The following NTM variants were observed in gnomAD, a reference collection of about 807,000 sequenced individuals.
The protein encoded by NTM is neurotrimin.
A neutral mutation model predicts 42.1 loss-of-function variants in NTM; 13 were observed. The ratio of observed to expected loss-of-function variants is 0.31; its 90% CI spans 0.20 to 0.49. The LOEUF is 0.49. Ranked by LOEUF, NTM falls within the 20% of genes least tolerant of loss-of-function variation. The pLI, the probability that NTM is intolerant of heterozygous loss-of-function variation, is 0.99. For missense variants in NTM, 373 were observed against 452.8 expected, an observed-to-expected ratio of 0.82 and a Z score of 1.60; for synonymous variants, 187 against 179.2, an observed-to-expected ratio of 1.04 and a Z score of -0.35.
intron 1 of NTM, among the ~76,000 whole-genome samples, chr11:131,576,921 AAGTT>A: frequency 6.6e-6 from 1 of 152,234 alleles, no homozygotes; most frequent in Non-Finnish European, 1.5e-5. Context: ...AAGATTAAAT[AAGTT>A]AATCTTTGCA....
At chr11:132,141,723 GACAC>G (rs894668465) in intron 2 of NTM, among the ~76,000 whole-genome samples, 6 of 152,224 alleles carry the variant, frequency 3.9e-5, no homozygotes, top group African/African-American at 4.8e-5. Context: ...GGTGCAGACA[GACAC>G]ACACAGACTA....
At chr11:132,019,263 C>G (rs531346735) in intron 2 of NTM, among the ~76,000 whole-genome samples, 1 of 112,116 alleles carries the variant, frequency 8.9e-6, no homozygotes, top group Non-Finnish European at 2.1e-5. Context: ...TGGTTGAGAT[C>G]TTTTGCCTTT....
intron 2 of NTM, among the ~76,000 whole-genome samples, chr11:131,944,273 G>A (rs1350297726): frequency 1.3e-5 from 2 of 152,216 alleles, no homozygotes; most frequent in African/African-American, 2.4e-5. Flanking sequence ...AGTGAGTTAT[G>A]TGCTGGGCTT....
At chr11:132,090,962 T>C (rs2060305988) in intron 2 of NTM, among the ~76,000 whole-genome samples, 1 of 152,232 alleles carries the variant, frequency 6.6e-6, no homozygotes, top group South Asian at 2.1e-4. Context: ...TGTTTTTCTA[T>C]TCCTCCCATT....
rs765344753 is a variant in NTM, at chr11:132,335,112, C to G, written c.1034C>G (p.Pro345Arg). ...AGGGCAGGCTGCGTCTGGCTGCTGCCTCTTCTGGTCTTGCACCTGCTTCTC... is the reference window on the plus strand; with the variant it reads ...AGGGCAGGCTGCGTCTGGCTGCTGCGTCTTCTGGTCTTGCACCTGCTTCTC... ...SRRAGCVWLLPLLVLHLLLKF is the reference protein window; with the variant it reads ...SRRAGCVWLLRLLVLHLLLKF The change falls in exon 9 of 9, where the codon CCT (proline) becomes CGT (arginine). Residue 345 changes from proline to arginine, a missense_variant. Pro to Arg is a moderately radical substitution (Grantham distance 103, BLOSUM62 -2). This residue lies in a region of NTM where 312 missense variants were observed against 353.5 expected (regional missense o/e 0.88). Transcript: ENST00000683400. The G allele has an allele frequency of 2.5e-6, 4 of 1,612,756 alleles. No homozygotes were observed. In the South Asian group the frequency reaches 3.3e-5, roughly 13 times the overall value.
intron 1 of NTM, among the ~76,000 whole-genome samples, chr11:131,413,988 C>A (rs939581192): frequency 4.6e-5 from 7 of 152,116 alleles, no homozygotes; most frequent in African/African-American, 7.2e-5. Context: ...GGTTCTTAGA[C>A]CCAGCTTGAC....
In NTM at chr11:131,475,731, T is replaced by C. The variant is rs59379361; in HGVS notation, c.82+104843T>C. ...GGAAAAAACTGCCAAAGATAGATTGTTTGTTTAATGGGATTTTATGAGATG... is the reference window on the plus strand; with the variant it reads ...GGAAAAAACTGCCAAAGATAGATTGCTTGTTTAATGGGATTTTATGAGATG... On this transcript the variant is annotated intron_variant, in intron 1 of 8. Transcript: ENST00000683400. 9.5e-3 allele frequency among the ~76,000 whole-genome samples: 1,440 copies of C among 152,286 alleles called. 21 individuals carry two copies. Among genetic ancestry groups the C allele is most frequent in the African/African-American group, 0.033 (1,355 of 41,544 alleles).
At chr11:131,518,785 C>T (rs1052392363) in intron 1 of NTM, among the ~76,000 whole-genome samples, 1 of 152,164 alleles carries the variant, frequency 6.6e-6, no homozygotes, top group Admixed American at 6.5e-5. Flanking sequence ...CACCAGGCTT[C>T]ATTTGTATGG....
At chr11:131,982,390 C>T (rs1039514639) in intron 2 of NTM, among the ~76,000 whole-genome samples, 2 of 151,980 alleles carry the variant, frequency 1.3e-5, no homozygotes, top group Non-Finnish European at 2.9e-5. Flanking sequence ...ATGAAAGGAG[C>T]TGGAGAAGGG....
chr11:131,926,438 G>A (rs1408496696), intron 2 of NTM, among the ~76,000 whole-genome samples: 2 of 152,128 alleles, frequency 1.3e-5, no homozygotes, highest in African/African-American at 2.4e-5. Context: ...TGGTCAAGGT[G>A]GTGAACTGTG....
intron 3 of NTM, among the ~76,000 whole-genome samples, chr11:132,156,543 A>AT (rs1431716474): frequency 1.3e-5 from 2 of 151,962 alleles, no homozygotes; most frequent in East Asian, 1.9e-4. Flanking sequence ...TGATTATGTC[A>AT]TTTTTTCTGA....
At chr11:132,016,442 G>A (rs2073427171) in intron 2 of NTM, among the ~76,000 whole-genome samples, 1 of 150,664 alleles carries the variant, frequency 6.6e-6, no homozygotes, top group African/African-American at 2.4e-5. Flanking sequence ...GCAATATGTT[G>A]TTTTTTGCAT....
chr11:131,744,475 G>A (rs1014288573), intron 1 of NTM, among the ~76,000 whole-genome samples: 1 of 152,136 alleles, frequency 6.6e-6, no homozygotes, highest in African/African-American at 2.4e-5. Context: ...TAGAAGCAAA[G>A]TATCCTGGGG....
intron 3 of NTM, among the ~76,000 whole-genome samples, chr11:132,207,730 C>G (rs2082206728): frequency 6.6e-6 from 1 of 152,110 alleles, no homozygotes; most frequent in Non-Finnish European, 1.5e-5. Context: ...GTCTCCTTTG[C>G]CTAGGATATC....
intron 8 of NTM, among the ~76,000 whole-genome samples, chr11:132,334,167 A>G (rs2095847896): frequency 6.6e-6 from 1 of 152,260 alleles, no homozygotes; most frequent in South Asian, 2.1e-4. Flanking sequence ...TCCACTGGTC[A>G]TGGGGTTTCT....
chr11:131,839,717 T>C (rs2043982104), intron 1 of NTM, among the ~76,000 whole-genome samples: 8 of 152,224 alleles, frequency 5.3e-5, no homozygotes, highest in Admixed American at 5.2e-4. Flanking sequence ...ATTAGTTTGC[T>C]GCTATGTTGA....
chr11:131,502,703 G>A (rs571062361), intron 1 of NTM: 1 of 152,372 alleles, frequency 6.6e-6, no homozygotes, highest in African/African-American at 2.4e-5. Context: ...GTCATCGTCT[G>A]TAACTAAAAC....
chr11:131,473,275 T>C (rs562202910), intron 1 of NTM, among the ~76,000 whole-genome samples: 241 of 152,232 alleles, frequency 1.6e-3, no homozygotes, highest in African/African-American at 5.7e-3. Context: ...CCTTGGGCTG[T>C]GGCATGGCAG....
intron 1 of NTM, among the ~76,000 whole-genome samples, chr11:131,510,500 C>G (rs1371313906): frequency 3.3e-5 from 5 of 152,192 alleles, no homozygotes. Flanking sequence ...CAGTTCAAAT[C>G]CAGCTCCAAC....
Sources: allele counts gnomAD v4.1 joint callset (sites outside exome capture counted in the v4.1 genomes callset), GRCh38; gene constraint gnomAD v4.1.1; regional missense constraint gnomAD v4.1.1; transcripts MANE v1.5; gene names NCBI Gene and HGNC (gene_info 2026-07-23, HGNC 2026-07-21).